The following KRT32 variants were observed in gnomAD, a reference collection of about 807,000 sequenced individuals.
KRT32 encodes keratin, type I cuticular Ha2.
Under a neutral mutation model 41.8 loss-of-function variants are expected in KRT32, and 44 were observed. That is an observed-to-expected ratio of 1.05 (90% CI 0.83 to 1.35). The LOEUF is 1.35. Among genes scored for constraint, KRT32 ranks in the 40% most tolerant of loss-of-function variants. The pLI is 0.00. For missense variants in KRT32, 576 were observed against 584.6 expected, an observed-to-expected ratio of 0.99 and a Z score of 0.15; for synonymous variants, 238 against 242.5, an observed-to-expected ratio of 0.98 and a Z score of 0.17.
intron 3 of KRT32, among the ~76,000 whole-genome samples, chr17:41,465,086 G>T (rs916580416): frequency 7.9e-6 from 1 of 127,380 alleles, no homozygotes; most frequent in Non-Finnish European, 1.5e-5. Flanking sequence ...CAACCAGGGA[G>T]GGGGGAAAAA....
In KRT32 at chr17:41,465,890, G is replaced by C; in HGVS notation, c.591C>G (p.Ala197=). ...AELAMRQLVE[A]DINGLRRILD... ...GGATCCTGCGCAGGCCATTGATGTC[G>C]GCCTCCACCAGCTGCCGCATGGCCA... The change falls in exon 3 of 7, where the codon GCC becomes GCG. Residue 197 remains alanine, a synonymous_variant. Transcript: ENST00000225899. 1 of 1,613,882 alleles carries C rather than the reference G, an allele frequency of 6.2e-7. No homozygotes were observed. The highest frequency in any genetic ancestry group is 8.5e-7 in the Non-Finnish European group (1 of 1,179,882).
intron 6 of KRT32, among the ~76,000 whole-genome samples, chr17:41,462,370 G>A (rs777271359): frequency 7.2e-5 from 11 of 152,124 alleles, no homozygotes; most frequent in South Asian, 2.1e-4. Context: ...CAAAATCTCC[G>A]TTCTGAGAGG....
At chr17:41,460,833 G>A (rs1309941269) in intron 6 of KRT32, among the ~76,000 whole-genome samples, 4 of 152,142 alleles carry the variant, frequency 2.6e-5, no homozygotes, top group Middle Eastern at 3.2e-3. Context: ...AAACCTGCAC[G>A]TTCTGCACAT....
chr17:41,462,430 T>C (rs929036154), intron 6 of KRT32, among the ~76,000 whole-genome samples: 3 of 152,190 alleles, frequency 2.0e-5, no homozygotes, highest in Non-Finnish European at 4.4e-5. Context: ...CAGGATTGTG[T>C]AGGTACTATT....
In KRT32 at chr17:41,462,875, C is replaced by A; in HGVS notation, c.1172G>T (p.Gly391Val). The A allele has an allele frequency of 2.6e-6, 4 of 1,558,296 alleles. No homozygotes were observed. Among genetic ancestry groups the A allele is most frequent in the Non-Finnish European group, 3.5e-6 (4 of 1,151,484 alleles). ...CAGGCTCCGGTACGTGTTGATCTCG[C>A]CCTCCAGCCGGGCCCGGACGTCCAG... ...VLLDVRARLE[G>V]EINTYRSLLE... Residue 391 changes from glycine (G) to valine (V), a missense_variant, in exon 6 of 7, where the codon GGC (glycine) becomes GTC (valine). Coordinates refer to ENST00000225899, the MANE Select transcript of KRT32 (RefSeq NM_002278.3).
Position 41,464,060 on chromosome 17 carries a change from C to A in KRT32, c.996+18G>T. ...GCCTAGGATCCGGAGGGATGGGTGCCCACCCAGCAGCTCTCACCAGGCTGT... is the reference window on the plus strand; with the variant it reads ...GCCTAGGATCCGGAGGGATGGGTGCACACCCAGCAGCTCTCACCAGGCTGT... On this transcript the variant is annotated intron_variant, in intron 5 of 6. Transcript: ENST00000225899. The A allele has an allele frequency of 6.4e-7, 1 of 1,559,568 alleles. No individual in the cohort carries two copies.
chr17:41,464,437 C>T lies in KRT32; in HGVS notation c.715G>A (p.Gly239Ser), dbSNP rs368638057. The T allele has an allele frequency of 3.7e-5, 57 of 1,555,162 alleles. No homozygotes were observed. The highest frequency in any genetic ancestry group is 2.6e-4 in the Admixed American group (13 of 50,148). Residue 239 changes from glycine to serine, a missense_variant, in exon 4 of 7, where the codon GGT becomes AGT. Gly to Ser is a moderately conservative substitution (Grantham distance 56). Coordinates refer to ENST00000225899, the MANE Select transcript of KRT32 (RefSeq NM_002278.3). ...TCCCCAAGCTGGCATCGAAGGGAAC[C>T]GACTTCCTGAAAAGGCACAAGACCT... The part of the protein sequence containing the change: ...CLKKNHEEEV[G>S]SLRCQLGDRL...
chr17:41,462,273 C>G (rs941396873), intron 6 of KRT32, among the ~76,000 whole-genome samples: 1 of 152,152 alleles, frequency 6.6e-6, no homozygotes. Flanking sequence ...GTGTTGTTCT[C>G]CATAAATGGG....
At chr17:41,462,605 C>G (rs779219132) in intron 6 of KRT32, among the ~76,000 whole-genome samples, 1 of 152,208 alleles carries the variant, frequency 6.6e-6, no homozygotes, top group Non-Finnish European at 1.5e-5. Flanking sequence ...TTAGAAGGAG[C>G]TTGCCAGCTT....
Position 41,462,853 on chromosome 17 carries a change from G to A in KRT32, c.1194C>T (p.Ser398=). 1 of 1,613,464 alleles carries A rather than the reference G, an allele frequency of 6.2e-7. No homozygotes were observed. The highest frequency in any genetic ancestry group is 1.1e-5 in the South Asian group (1 of 91,036). The change falls in exon 6 of 7, where the codon AGC becomes AGT. Residue 398 remains serine, a synonymous_variant. Coordinates refer to ENST00000225899, the MANE Select transcript of KRT32 (RefSeq NM_002278.3). ...ACTTGCAGTCCTCGTTCTCCAGCAG[G>A]CTCCGGTACGTGTTGATCTCGCCCT... is the stretch of plus-strand genomic sequence containing the variant. ...RLEGEINTYR[S]LLENEDCKLP... is the part of the protein sequence containing the mutation.
At chr17:41,465,649 G>A (rs967918512) in intron 3 of KRT32, 124 bp downstream of exon 3, 3 of 947,198 alleles carry the variant, frequency 3.2e-6, no homozygotes, top group African/African-American at 3.3e-5. Context: ...CCATAAATTG[G>A]GCAAAGTCAC....
rs370761559 is a variant in KRT32, at chr17:41,466,058, G to A, written c.551+36C>T. 16 of 1,608,860 alleles carry A rather than the reference G, an allele frequency of 9.9e-6. No homozygotes were observed. The African/African-American group carries it at 1.9e-4, about 19-fold the overall frequency. ...AGTTGCCCCAGAGCCTATGAGGACA[G>A]GTCCTCCCCAGCTCCAGCCCCCCGA... is the stretch of plus-strand genomic sequence containing the variant. On this transcript the variant is annotated intron_variant, in intron 2 of 6. Coordinates refer to ENST00000225899, the MANE Select transcript of KRT32 (RefSeq NM_002278.3).
intron 3 of KRT32, 42 bp downstream of exon 3, chr17:41,465,731 C>A (rs780499585): frequency 6.9e-6 from 11 of 1,588,682 alleles, no homozygotes; most frequent in Middle Eastern, 2.2e-4. Flanking sequence ...GTTCCTCCCC[C>A]TCTGCTTCCC....
rs1373104402 is a variant in KRT32, at chr17:41,466,922, T to C, written c.404A>G (p.Gln135Arg). The change falls in exon 1 of 7, where the codon CAG (glutamine) becomes CGG (arginine). Residue 135 changes from glutamine to arginine, a missense_variant. Coordinates refer to ENST00000225899, the MANE Select transcript of KRT32 (RefSeq NM_002278.3). ...ESRIQEASHS[Q>R]VLTMTPDYQS... is the part of the protein sequence containing the mutation. ...GTAGTCAGGAGTCATGGTGAGCACC[T>C]GGGAGTGAGAGGCCTCTTGGATCCT... 3.1e-6 allele frequency: 5 copies of C among 1,614,118 alleles called. No individual in the cohort carries two copies. In the South Asian group the frequency reaches 5.5e-5, roughly 18 times the overall value.
intron 6 of KRT32, among the ~76,000 whole-genome samples, chr17:41,462,185 C>G (rs956265181): frequency 6.6e-6 from 1 of 152,150 alleles, no homozygotes; most frequent in Non-Finnish European, 1.5e-5. Context: ...AGAAGACACA[C>G]AGTAAATTCT....
chr17:41,464,690 G>T (rs2019048054), intron 3 of KRT32, among the ~76,000 whole-genome samples: 1 of 152,204 alleles, frequency 6.6e-6, no homozygotes. Context: ...GCAGCACCCT[G>T]GTTTGTTTGA....
chr17:41,460,062 AG>A lies in KRT32; in HGVS notation c.*47del. The A allele has an allele frequency of 1.3e-6, 2 of 1,544,074 alleles. No individual in the cohort carries two copies. The highest frequency in any genetic ancestry group is 2.5e-5 in the South Asian group (2 of 78,802). On this transcript the variant is annotated 3_prime_UTR_variant, in exon 7 of 7. Coordinates refer to ENST00000225899, the MANE Select transcript of KRT32 (RefSeq NM_002278.3). ...GCTCTTCTGGTGGCCACTGAATACC[AG>A]GCTGCCCAGCCCCAGGCCCTCCAGG...
chr17:41,466,002 C>A lies in KRT32; in HGVS notation c.552-73G>T. 7 of 1,600,460 alleles carry A rather than the reference C, an allele frequency of 4.4e-6. No homozygotes were observed. The South Asian group carries it at 5.5e-5, about 13-fold the overall frequency. ...CTCAGGGAAGGCCTTAAACTGCCGG[C>A]ACTTTCCAACCCTCCGTGAAACTAA... On this transcript the variant is annotated intron_variant, in intron 2 of 6. Transcript: ENST00000225899.
intron 1 of KRT32, 99 bp downstream of exon 1, chr17:41,466,759 C>A: frequency 1.1e-6 from 1 of 880,474 alleles, no homozygotes; most frequent in Non-Finnish European, 1.8e-6. Flanking sequence ...GTCTCTTTGT[C>A]CTGAACATAG....
Sources: gnomAD v4.1 joint callset for allele counts (sites outside exome capture counted in the v4.1 genomes callset) on GRCh38, gnomAD v4.1.1 for gene constraint, MANE v1.5 for transcripts, NCBI Gene and HGNC (gene_info 2026-07-23, HGNC 2026-07-21) for gene names.